GRM7: variants seen among roughly 807,000 people sequenced by gnomAD.
GRM7 encodes the protein metabotropic glutamate receptor 7.
Under a neutral mutation model 84.5 loss-of-function variants are expected in GRM7, and 35 were observed. The ratio of observed to expected loss-of-function variants is 0.41; its 90% CI spans 0.32 to 0.55. The LOEUF (loss-of-function observed/expected upper bound fraction) is 0.55, where lower values mean the gene tolerates loss of function less well. Among genes scored for constraint, GRM7 ranks in the 20% least tolerant of loss-of-function variants. The pLI is 0.19. For synonymous variants in GRM7, 487 were observed against 455.1 expected, an observed-to-expected ratio of 1.07 and a Z score of -0.89; for missense variants, 1,003 against 1,194.6, an observed-to-expected ratio of 0.84 and a Z score of 2.36.
At chr3:7,051,293 G>A (rs1453959972) in intron 1 of GRM7, among the ~76,000 whole-genome samples, 1 of 151,692 alleles carries the variant, frequency 6.6e-6, no homozygotes, top group African/African-American at 2.4e-5. Flanking sequence ...AGAATAATTG[G>A]TTGGTTGAAA....
At chr3:7,326,089 A>G (rs1032443330) in intron 4 of GRM7, among the ~76,000 whole-genome samples, 11 of 133,388 alleles carry the variant, frequency 8.2e-5, no homozygotes, top group South Asian at 7.9e-4. Context: ...GATTCTTGGC[A>G]AAGTGAAAAG....
intron 1 of GRM7, among the ~76,000 whole-genome samples, chr3:7,116,483 G>A (rs1693037427): frequency 6.6e-6 from 1 of 152,022 alleles, no homozygotes; most frequent in Non-Finnish European, 1.5e-5. Flanking sequence ...TTGCCTCTGG[G>A]GCTTCAGTCC....
chr3:6,939,367 C>T (rs1246025200), intron 1 of GRM7, among the ~76,000 whole-genome samples: 4 of 151,890 alleles, frequency 2.6e-5, no homozygotes, highest in Non-Finnish European at 5.9e-5. Context: ...CATAGGATAA[C>T]ACCTCCTACC....
chr3:7,194,423 ATTG>A (rs1399283369), intron 2 of GRM7, among the ~76,000 whole-genome samples: 1 of 152,120 alleles, frequency 6.6e-6, no homozygotes, highest in African/African-American at 2.4e-5. Flanking sequence ...TGATACTATG[ATTG>A]TTGTTGTTAT....
At chr3:7,253,438 A>C (rs1443817471) in intron 2 of GRM7, among the ~76,000 whole-genome samples, 1 of 151,842 alleles carries the variant, frequency 6.6e-6, no homozygotes, top group Non-Finnish European at 1.5e-5. Context: ...AATATGGTGA[A>C]ACCCCGTCTC....
intron 6 of GRM7, among the ~76,000 whole-genome samples, chr3:7,455,441 G>T (rs191804674): frequency 5.5e-4 from 84 of 152,246 alleles, no homozygotes; most frequent in African/African-American, 2.0e-3. Flanking sequence ...GAGATAGCAC[G>T]TAAAAGAGGT....
chr3:6,940,110 T>G (rs557562143), intron 1 of GRM7, among the ~76,000 whole-genome samples: 1 of 152,308 alleles, frequency 6.6e-6, no homozygotes, highest in South Asian at 2.1e-4. Flanking sequence ...TTATTTACTT[T>G]GAGATGGAGT....
intron 2 of GRM7, among the ~76,000 whole-genome samples, chr3:7,171,616 C>A (rs887336118): frequency 2.6e-5 from 4 of 152,290 alleles, no homozygotes; most frequent in South Asian, 2.1e-4. Context: ...TTAAATCACT[C>A]TCTAAGATGG....
chr3:7,221,893 G>A (rs1696816456), intron 2 of GRM7, among the ~76,000 whole-genome samples: 1 of 141,152 alleles, frequency 7.1e-6, no homozygotes, highest in African/African-American at 2.7e-5. Context: ...TGCAACCTCT[G>A]CCTCCCAGGT....
chr3:7,664,244 G>C (rs939924083), intron 8 of GRM7, among the ~76,000 whole-genome samples: 7 of 151,996 alleles, frequency 4.6e-5, no homozygotes, highest in Admixed American at 6.6e-5. Context: ...GACATGCCTG[G>C]GTCTTTTCAT....
intron 1 of GRM7, among the ~76,000 whole-genome samples, chr3:6,970,988 A>AAACAAACT (rs1693732139): frequency 1.2e-5 from 1 of 85,664 alleles, no homozygotes; most frequent in Non-Finnish European, 2.6e-5. Flanking sequence ...TCTCAAAAAC[A>AAACAAACT]AACAAACAAA....
At chr3:7,317,694 T>C (rs1371434164) in intron 4 of GRM7, among the ~76,000 whole-genome samples, 1 of 151,962 alleles carries the variant, frequency 6.6e-6, no homozygotes, top group Non-Finnish European at 1.5e-5. Flanking sequence ...TGCTTTCATA[T>C]AGAAAATGAG....
chr3:7,359,220 T>TTGTGTGTGTGTGTGTGTG (rs34535570), intron 4 of GRM7, among the ~76,000 whole-genome samples: 3,790 of 133,170 alleles, frequency 0.028, 205 homozygotes, highest in Non-Finnish European at 0.042. Context: ...GTGTTTGTGT[T>TTGTGTGTGTGTGTGTGTG]TGTGTGTGTG....
chr3:7,400,149 A>G (rs752824442), intron 4 of GRM7, among the ~76,000 whole-genome samples: 13 of 152,190 alleles, frequency 8.5e-5, no homozygotes, highest in African/African-American at 2.4e-4. Flanking sequence ...TATTGTGTCC[A>G]TCTTTCCCAT....
chr3:7,099,166 G>C (rs1422725435), intron 1 of GRM7, among the ~76,000 whole-genome samples: 1 of 149,988 alleles, frequency 6.7e-6, no homozygotes, highest in Non-Finnish European at 1.5e-5. Context: ...GCCCAAAGAA[G>C]TTCGCAGGTT....
chr3:7,200,969 T>TTC (rs1168990905), intron 2 of GRM7, among the ~76,000 whole-genome samples: 151 of 137,758 alleles, frequency 1.1e-3, no homozygotes, highest in Non-Finnish European at 2.0e-3. Flanking sequence ...TCAGAATTTT[T>TTC]TTTTTTTTTT....
chr3:6,994,092 C>A (rs1694744716), intron 1 of GRM7, among the ~76,000 whole-genome samples: 1 of 151,828 alleles, frequency 6.6e-6, no homozygotes, highest in African/African-American at 2.4e-5. Context: ...GGGATCAGTT[C>A]AAGATATAGA....
At chr3:6,896,868 TTTA>T (rs1574985325) in intron 1 of GRM7, among the ~76,000 whole-genome samples, 2 of 152,296 alleles carry the variant, frequency 1.3e-5, no homozygotes, top group East Asian at 3.9e-4. Context: ...ACAAAGAGAA[TTTA>T]TTTCGTCTTC....
At chr3:7,097,259 G>T (rs2125015504) in intron 1 of GRM7, among the ~76,000 whole-genome samples, 1 of 152,166 alleles carries the variant, frequency 6.6e-6, no homozygotes, top group African/African-American at 2.4e-5. Flanking sequence ...CTACACATAG[G>T]CATGTGTAAG....
Sources: allele counts gnomAD v4.1 joint callset (sites outside exome capture counted in the v4.1 genomes callset), GRCh38; gene constraint gnomAD v4.1.1; transcripts MANE v1.5; gene names NCBI Gene and HGNC (gene_info 2026-07-23, HGNC 2026-07-21).